Variants in MAML3 observed in about 807,000 individuals in gnomAD.
MAML3 encodes mastermind-like protein 3.
In MAML3, 27 loss-of-function variants were observed where a neutral mutation model predicts 101.9. The observed-to-expected ratio is 0.27, with a 90% CI of 0.20 to 0.37. The LOEUF is 0.37. Among genes scored for constraint, MAML3 ranks in the 10% least tolerant of loss-of-function variants. The pLI, the probability that MAML3 is intolerant of heterozygous loss-of-function variation, is 1.00. For missense variants in MAML3, 1,316 were observed against 1,444.9 expected (o/e 0.91, Z 1.45); for synonymous variants, 501 against 555.9 (o/e 0.90, Z 1.39).
At chr4:139,773,779 C>T (rs1275919032) in intron 2 of MAML3, among the ~76,000 whole-genome samples, 1 of 152,164 alleles carries the variant, frequency 6.6e-6, no homozygotes, top group Admixed American at 6.6e-5. Context: ...ATTGCCAAAC[C>T]GCCCACTCTT....
intron 2 of MAML3, among the ~76,000 whole-genome samples, chr4:139,825,066 C>T (rs944002941): frequency 2.0e-5 from 3 of 152,274 alleles, no homozygotes; most frequent in Non-Finnish European, 4.4e-5. Context: ...ACCGCCACCC[C>T]TCTCTTTTGG....
chr4:140,076,159 A>G (rs370456865), intron 1 of MAML3, among the ~76,000 whole-genome samples: 4 of 151,812 alleles, frequency 2.6e-5, no homozygotes, highest in African/African-American at 9.7e-5. Context: ...GAGCCACCAC[A>G]CCTGGCCCAT....
intron 1 of MAML3, among the ~76,000 whole-genome samples, chr4:139,915,429 G>C (rs1733008341): frequency 6.6e-6 from 1 of 152,126 alleles, no homozygotes; most frequent in Non-Finnish European, 1.5e-5. Flanking sequence ...GATGAGGTTA[G>C]CTGGCCCCAT....
chr4:140,011,344 T>TTTG (rs1726558760), intron 1 of MAML3, among the ~76,000 whole-genome samples: 1 of 130,900 alleles, frequency 7.6e-6, no homozygotes, highest in Admixed American at 8.0e-5. Context: ...CTTGTTTTGT[T>TTTG]TTTTTTTTTT....
chr4:139,994,981 C>A (rs879457373), intron 1 of MAML3, among the ~76,000 whole-genome samples: 1 of 152,086 alleles, frequency 6.6e-6, no homozygotes, highest in Admixed American at 6.6e-5. Flanking sequence ...TAGTGGGAAA[C>A]CATATCATCT....
chr4:139,745,827 C>T (rs1180688922), intron 2 of MAML3, among the ~76,000 whole-genome samples: 2 of 152,168 alleles, frequency 1.3e-5, no homozygotes, highest in Admixed American at 1.3e-4. Flanking sequence ...TAGGTATATA[C>T]TGTGAATATT....
At chr4:139,825,173 T>TA (rs1243734708) in intron 2 of MAML3, among the ~76,000 whole-genome samples, 2 of 151,568 alleles carry the variant, frequency 1.3e-5, no homozygotes, top group African/African-American at 2.4e-5. Flanking sequence ...CCTTCCCTCT[T>TA]AAAAAAAAGA....
At chr4:140,022,959 A>G (rs7695565) in intron 1 of MAML3, among the ~76,000 whole-genome samples, 87,937 of 152,000 alleles carry the variant, frequency 0.58, 26,562 homozygotes, top group African/African-American at 0.71. Flanking sequence ...GCTTTTACCC[A>G]AAGCATATTC....
intron 2 of MAML3, among the ~76,000 whole-genome samples, chr4:139,799,917 A>C (rs1730574392): frequency 6.6e-6 from 1 of 152,198 alleles, no homozygotes; most frequent in South Asian, 2.1e-4. Flanking sequence ...TACCCTCTTA[A>C]GTTTCAGAAC....
At chr4:139,866,884 A>C (rs980750217) in intron 2 of MAML3, among the ~76,000 whole-genome samples, 2 of 152,212 alleles carry the variant, frequency 1.3e-5, no homozygotes, top group Non-Finnish European at 2.9e-5. Context: ...GCGCTAATAC[A>C]TCTCATGCTG....
At chr4:139,747,059 C>G (rs1208418925) in intron 2 of MAML3, among the ~76,000 whole-genome samples, 1 of 152,134 alleles carries the variant, frequency 6.6e-6, no homozygotes. Flanking sequence ...CTGTGCAGCC[C>G]TTAGTGGTTT....
intron 1 of MAML3, among the ~76,000 whole-genome samples, chr4:140,019,153 C>T (rs1008534960): frequency 6.6e-6 from 1 of 151,958 alleles, no homozygotes; most frequent in Non-Finnish European, 1.5e-5. Context: ...CCTAACTGAC[C>T]ATATTCTTTT....
chr4:140,097,412 G>A (rs1366377928), intron 1 of MAML3, among the ~76,000 whole-genome samples: 1 of 152,256 alleles, frequency 6.6e-6, no homozygotes, highest in Admixed American at 6.5e-5. Context: ...GGTTTTGTTC[G>A]AGTTGTTACA....
At chr4:139,872,174 T>C (rs1276528629) in intron 2 of MAML3, among the ~76,000 whole-genome samples, 1 of 152,200 alleles carries the variant, frequency 6.6e-6, no homozygotes, top group Non-Finnish European at 1.5e-5. Flanking sequence ...TTTCACTCTA[T>C]TGAATATAAA....
intron 1 of MAML3, among the ~76,000 whole-genome samples, chr4:140,059,457 T>A (rs1347791394): frequency 5.3e-5 from 8 of 152,178 alleles, no homozygotes. Context: ...CTAAGGAATG[T>A]GCTCAGGAAC....
intron 3 of MAML3, among the ~76,000 whole-genome samples, chr4:139,727,904 A>G (rs1728541887): frequency 6.6e-6 from 1 of 151,778 alleles, no homozygotes; most frequent in Non-Finnish European, 1.5e-5. Context: ...ATCTGGCAGT[A>G]TTCACTCTCA....
At chr4:139,793,902 C>G (rs545690715) in intron 2 of MAML3, among the ~76,000 whole-genome samples, 1 of 152,282 alleles carries the variant, frequency 6.6e-6, no homozygotes, top group East Asian at 1.9e-4. Flanking sequence ...GAATACATTA[C>G]TTTCTAATAA....
At position 140,111,643 on chromosome 4, in the gene MAML3, T is replaced by C. The variant is rs562143306; in HGVS notation, c.468+41217A>G. Among the ~76,000 whole-genome samples the C allele has an allele frequency of 3.9e-5, 6 of 152,372 alleles. No homozygotes were observed. The South Asian group carries it at 1.2e-3, about 32-fold the overall frequency. On this transcript the variant is annotated intron_variant, in intron 1 of 4. Coordinates refer to ENST00000509479, the MANE Select transcript of MAML3 (RefSeq NM_018717.5). ...TATAAATGATTTGATAGAATAGAGC[T>C]GGAAAACTCAAGTTGCCATTGGTAA...
At position 139,781,508 on chromosome 4, in the gene MAML3, C is replaced by CATATATATATATATATAT. The variant is rs10568513; in HGVS notation, c.2080-50859_2080-50842dup. On this transcript the variant is annotated intron_variant, in intron 2 of 4. Transcript: ENST00000509479. ...TCTTCTAATGATCGCAGAGCATTTTCATATATATATATATATATATATAGT... is the reference window on the plus strand; with the variant it reads ...TCTTCTAATGATCGCAGAGCATTTTCATATATATATATATATATATATATATATATATATATATATAGT... Among the ~76,000 whole-genome samples the CATATATATATATATATAT allele has an allele frequency of 1.7e-3, 230 of 137,046 alleles. 2 individuals are homozygous for CATATATATATATATATAT. Among genetic ancestry groups the CATATATATATATATATAT allele is most frequent in the African/African-American group, 1.9e-3 (74 of 38,250 alleles). 89.9% of individuals were successfully genotyped at this position (137,046 alleles called of 152,430 possible).
Sources: allele counts gnomAD v4.1 joint callset (sites outside exome capture counted in the v4.1 genomes callset), GRCh38; gene constraint gnomAD v4.1.1; transcripts MANE v1.5; gene names NCBI Gene and HGNC (gene_info 2026-07-23, HGNC 2026-07-21).